Variants in TPT1 observed in about 807,000 individuals in gnomAD.
TPT1 encodes the protein translationally-controlled tumor protein.
TPT1 carries 5 observed loss-of-function variants against 22.8 expected under a neutral mutation model. The ratio of observed to expected loss-of-function variants is 0.22; its 90% confidence interval spans 0.11 to 0.46. The LOEUF (loss-of-function observed/expected upper bound fraction) is 0.46, where lower values mean the gene tolerates loss of function less well. Among genes scored for constraint, TPT1 ranks in the 20% least tolerant of loss-of-function variants. The probability of loss-of-function intolerance (pLI) is 0.99; values close to 1 mark genes in which losing one functional copy is unlikely to be tolerated. For synonymous variants in TPT1, 89 were observed against 73.6 expected (o/e 1.21, Z -1.07); for missense variants, 130 against 218.7 (o/e 0.59, Z 2.56).
At chr13:45,340,593 A>C in intron 2 of TPT1, 119 bp downstream of exon 2, 1 of 1,211,916 alleles carries the variant, frequency 8.3e-7, no homozygotes, top group Non-Finnish European at 1.2e-6. Context: ...CAAGCCCGGA[A>C]AGAGCGTCTC....
At position 45,334,890 on chromosome 13, in the gene TPT1, CCA is replaced by C. The variant is rs1878575944; in HGVS notation, c.*2494_*2495del. 1.3e-5 allele frequency: 2 copies of C among 152,198 alleles called. No homozygotes were observed. Among genetic ancestry groups the C allele is most frequent in the Admixed American group, 6.5e-5 (1 of 15,276 alleles). 9.4% of individuals were successfully genotyped at this position (152,198 alleles called of 1,614,324 possible). ...CTTTTTTCCCAGAACACATCACACT[CCA>C]GACTAACTGCTGTTGTCTTGGCCTG... On this transcript the variant is annotated 3_prime_UTR_variant, in exon 6 of 6. Coordinates refer to ENST00000530705, the MANE Select transcript of TPT1 (RefSeq NM_003295.4).
Position 45,340,133 on chromosome 13 carries a change from C to G in TPT1, c.154G>C (p.Ala52Pro), listed in dbSNP as rs1404217233. 6.2e-7 allele frequency: 1 copy of G among 1,614,114 alleles called. No homozygotes were observed. The highest frequency in any genetic ancestry group is 1.1e-5 in the South Asian group (1 of 91,074). ...TCGCCCTCGGGGCCTTCAGCGGAGG[C>G]ATTTCCACCAATGAGCGAGTCATCA... ...NIDDSLIGGN[A>P]SAEGPEGEGT... The change falls in exon 3 of 6, where the codon GCC becomes CCC. Residue 52 changes from alanine to proline, a missense_variant. Coordinates refer to ENST00000530705, the MANE Select transcript of TPT1 (RefSeq NM_003295.4).
Position 45,340,176 on chromosome 13 carries a change from A to C in TPT1, c.111T>G (p.Ser37Arg), listed in dbSNP as rs563164026. 3 of 1,610,416 alleles carry C rather than the reference A, an allele frequency of 1.9e-6. No homozygotes were observed. The Admixed American group carries it at 5.1e-5, about 27-fold the overall frequency. ...AGTCATCAATGTTACCTTCTGTCCTACTGACCATCTGCATTAAGAAAAAGC... is the reference window on the plus strand; with the variant it reads ...AGTCATCAATGTTACCTTCTGTCCTCCTGACCATCTGCATTAAGAAAAAGC... ...LCLEVEGKMV[S>R]RTEGNIDDSL... is the part of the protein sequence containing the mutation. The change falls in exon 3 of 6, where the codon AGT becomes AGG. Residue 37 changes from serine to arginine, a missense_variant. Transcript: ENST00000530705.
At position 45,334,166 on chromosome 13, in the gene TPT1, C is replaced by G. The variant is rs1422446279; in HGVS notation, c.*3220G>C. On this transcript the variant is annotated 3_prime_UTR_variant, in exon 6 of 6. Coordinates refer to ENST00000530705, the MANE Select transcript of TPT1 (RefSeq NM_003295.4). ...ACCTCAAGCGATCCTCCCCACTCAGCCTCCCAAATTCCTGGGGCTACAGGC... is the reference window on the plus strand; with the variant it reads ...ACCTCAAGCGATCCTCCCCACTCAGGCTCCCAAATTCCTGGGGCTACAGGC... 1.3e-5 allele frequency: 2 copies of G among 152,254 alleles called. No homozygotes were observed. Among genetic ancestry groups the G allele is most frequent in the East Asian group, 3.8e-4 (2 of 5,196 alleles). The allele number at this position is 152,254 out of a possible 1,614,324, so 9.4% of individuals were successfully genotyped here.
In TPT1 at chr13:45,336,696, G is replaced by T. The variant is rs1211908910; in HGVS notation, c.*690C>A. On this transcript the variant is annotated 3_prime_UTR_variant, in exon 6 of 6. Transcript: ENST00000530705. ...GAACTTAAATTCCATATCCCACAAGGTATTCTTTTCCCCTCAACCATTTAA... is the reference window on the plus strand; with the variant it reads ...GAACTTAAATTCCATATCCCACAAGTTATTCTTTTCCCCTCAACCATTTAA... 1 of 152,200 alleles carries T rather than the reference G, an allele frequency of 6.6e-6. No individual in the cohort carries two copies. The highest frequency in any genetic ancestry group is 1.5e-5 in the Non-Finnish European group (1 of 68,096). 9.4% of individuals were successfully genotyped at this position (152,200 alleles called of 1,614,324 possible). A position where few individuals can be genotyped will look rare whatever the true frequency, so the allele number is the denominator to read the frequency against.
At chr13:45,338,296 T>G in intron 5 of TPT1, 1 of 243,152 alleles carries the variant, frequency 4.1e-6, no homozygotes, top group Non-Finnish European at 7.9e-6. Flanking sequence ...ATTTTTGTAT[T>G]TTTAGCAGAG....
At chr13:45,337,883 A>C (rs1043231274) in intron 5 of TPT1, among the ~76,000 whole-genome samples, 3 of 152,212 alleles carry the variant, frequency 2.0e-5, no homozygotes, top group Non-Finnish European at 4.4e-5. Flanking sequence ...CTTCCATAGA[A>C]GACACCAAGT....
In TPT1 at chr13:45,341,136, G is replaced by C; in HGVS notation, c.-67C>G. 2 of 1,595,890 alleles carry C rather than the reference G, an allele frequency of 1.3e-6. No homozygotes were observed. The highest frequency in any genetic ancestry group is 1.1e-5 in the South Asian group (1 of 88,986). ...CGAGCCTGAAACTCGGAGCGAGCGC[G>C]GTGCAGCCGGAGCGGCGCTCGGGGG... On this transcript the variant is annotated 5_prime_UTR_variant, in exon 1 of 6. Transcript: ENST00000530705.
chr13:45,340,327 C>T, intron 2 of TPT1, 143 bp from the exon 3 acceptor site: 1 of 1,147,456 alleles, frequency 8.7e-7, no homozygotes, highest in South Asian at 1.3e-5. Flanking sequence ...AGTTGTGACC[C>T]GTGGATTTCT....
rs962776109 is a variant in TPT1 at position 45,336,660 on chromosome 13, A to C, written c.*726T>G. 3 of 152,272 alleles carry C rather than the reference A, an allele frequency of 2.0e-5. No individual in the cohort carries two copies. The allele number at this position is 152,272 out of a possible 1,614,324, so 9.4% of individuals were successfully genotyped here. ...GAATAAGCATAGCCACGTTCCAATA[A>C]AACTGGACTCGAACTTAAATTCCAT... is the stretch of plus-strand genomic sequence containing the variant. On this transcript the variant is annotated 3_prime_UTR_variant, in exon 6 of 6. Coordinates refer to ENST00000530705, the MANE Select transcript of TPT1 (RefSeq NM_003295.4).
rs1318956123 is a variant in TPT1, at chr13:45,339,398, C to T, written c.399+99G>A. 4.9e-6 allele frequency: 5 copies of T among 1,029,082 alleles called. No individual in the cohort carries two copies. In the East Asian group the frequency reaches 1.3e-4, roughly 27 times the overall value. The allele number at this position is 1,029,082 out of a possible 1,614,324, so 63.7% of individuals were successfully genotyped here. A position where few individuals can be genotyped will look rare whatever the true frequency, so the allele number is the denominator to read the frequency against. On this transcript the variant is annotated intron_variant, in intron 4 of 5. Coordinates refer to ENST00000530705, the MANE Select transcript of TPT1 (RefSeq NM_003295.4). The stretch of plus-strand genomic sequence containing the variant: ...CGAGCTGGGAAAGCCACTTTCTACA[C>T]CTGGAATACTAGTATAGAATTGAAG...
At position 45,337,199 on chromosome 13, in the gene TPT1, TTA is replaced by T; in HGVS notation, c.*185_*186del. 1.6e-6 allele frequency: 1 copy of T among 639,662 alleles called. No individual in the cohort carries two copies. The allele number at this position is 639,662 out of a possible 1,614,324, so 39.6% of individuals were successfully genotyped here. ...AAATGAGTTTAAATGCATTTTATTTTTAGACAACCTACATGACATGTTTTTCT... is the reference window on the plus strand; with the variant it reads ...AAATGAGTTTAAATGCATTTTATTTTGACAACCTACATGACATGTTTTTCT... On this transcript the variant is annotated 3_prime_UTR_variant, in exon 6 of 6. Transcript: ENST00000530705.
chr13:45,341,144 C>G lies in TPT1; in HGVS notation c.-75G>C, dbSNP rs1056266534. 4.4e-6 allele frequency: 7 copies of G among 1,586,070 alleles called. No individual in the cohort carries two copies. The highest frequency in any genetic ancestry group is 6.0e-6 in the Non-Finnish European group (7 of 1,166,674). ...AAACTCGGAGCGAGCGCGGTGCAGC[C>G]GGAGCGGCGCTCGGGGGGAGGGGGG... On this transcript the variant is annotated 5_prime_UTR_variant, in exon 1 of 6. Coordinates refer to ENST00000530705, the MANE Select transcript of TPT1 (RefSeq NM_003295.4).
chr13:45,339,675 C>T (rs1486343070), intron 3 of TPT1, 73 bp from the exon 4 acceptor site: 1 of 1,397,122 alleles, frequency 7.2e-7, no homozygotes, highest in Admixed American at 2.1e-5. Flanking sequence ...TAAAAAATAT[C>T]CAAGCTTAAA....
At position 45,333,632 on chromosome 13, in the gene TPT1, ACTC is replaced by A. The variant is rs1247718840; in HGVS notation, c.*3751_*3753del. The A allele has an allele frequency of 6.6e-6, 1 of 152,206 alleles. No individual in the cohort carries two copies. The allele number at this position is 152,206 out of a possible 1,614,324, so 9.4% of individuals were successfully genotyped here. A position where few individuals can be genotyped will look rare whatever the true frequency, so the allele number is the denominator to read the frequency against. Reference sequence around the variant, plus strand: ...TCTAGTCATTTAACTAGATTTTGAAACTCCTAATGATCCAAATGAGTAATTCAC... The same window carrying A: ...TCTAGTCATTTAACTAGATTTTGAAACTAATGATCCAAATGAGTAATTCAC... On this transcript the variant is annotated 3_prime_UTR_variant, in exon 6 of 6. Coordinates refer to ENST00000530705, the MANE Select transcript of TPT1 (RefSeq NM_003295.4).
intron 4 of TPT1, 84 bp downstream of exon 4, chr13:45,339,413 T>C: frequency 1.6e-6 from 2 of 1,245,642 alleles, no homozygotes; most frequent in Non-Finnish European, 2.3e-6. Context: ...AATACTAGTA[T>C]AGAATTGAAG....
At chr13:45,340,228 A>C (rs1878997074) in intron 2 of TPT1, 44 bp from the exon 3 acceptor site, 1 of 1,580,602 alleles carries the variant, frequency 6.3e-7, no homozygotes, top group African/African-American at 1.4e-5. Flanking sequence ...ACACAAACGC[A>C]TCCAAAGCAC....
rs77032239 is a variant in TPT1, at chr13:45,336,960, C to G, written c.*426G>C. 5.4e-6 allele frequency: 1 copy of G among 184,238 alleles called. No individual in the cohort carries two copies. The highest frequency in any genetic ancestry group is 1.1e-5 in the Non-Finnish European group (1 of 87,874). The allele number at this position is 184,238 out of a possible 1,614,324, so 11.4% of individuals were successfully genotyped here. On this transcript the variant is annotated 3_prime_UTR_variant, in exon 6 of 6. Transcript: ENST00000530705. ...GTGATGAAATGGGTAAGGCTCCACA[C>G]TTCAGATGTTGGCACTGCTATGAGC...
rs768093680 is a variant in TPT1, at chr13:45,340,209, T to C, written c.103-25A>G. The C allele has an allele frequency of 2.9e-5, 47 of 1,597,318 alleles. No homozygotes were observed. The Admixed American group carries it at 4.0e-4, about 14-fold the overall frequency. ...TCTGCATTAAGAAAAAGCAGTATAA[T>C]TGCAAAAGACACAAACGCATCCAAA... On this transcript the variant is annotated intron_variant, in intron 2 of 5. Coordinates refer to ENST00000530705, the MANE Select transcript of TPT1 (RefSeq NM_003295.4).
Sources: gnomAD v4.1 joint callset for allele counts (sites outside exome capture counted in the v4.1 genomes callset) on GRCh38, gnomAD v4.1.1 for gene constraint, MANE v1.5 for transcripts, NCBI Gene and HGNC (gene_info 2026-07-23, HGNC 2026-07-21) for gene names.